The following LRSAM1 variants were observed in gnomAD, a reference collection of about 807,000 sequenced individuals.
LRSAM1 encodes the protein E3 ubiquitin-protein ligase LRSAM1.
LRSAM1 carries 96 observed loss-of-function variants against 118.1 expected under a neutral mutation model. The ratio of observed to expected loss-of-function variants is 0.81; its 90% CI spans 0.69 to 0.96. The LOEUF is 0.96. LRSAM1 is among the 40% of genes least tolerant of loss of function. LRSAM1 has a pLI of 0.00. For missense variants in LRSAM1, 804 were observed against 915.5 expected (o/e 0.88, Z 1.57); for synonymous variants, 322 against 364.2 (o/e 0.88, Z 1.32).
At chr9:127,500,555 G>C (rs1836347350) in intron 24 of LRSAM1, among the ~76,000 whole-genome samples, 1 of 152,094 alleles carries the variant, frequency 6.6e-6, no homozygotes, top group Non-Finnish European at 1.5e-5. Context: ...CCTGTCTCCT[G>C]GGCAACCAGG....
At chr9:127,478,657 G>T (rs1224750393) in intron 11 of LRSAM1, among the ~76,000 whole-genome samples, 1 of 152,148 alleles carries the variant, frequency 6.6e-6, no homozygotes, top group Admixed American at 6.5e-5. Context: ...CACCATCCCT[G>T]CTCAGGGCTG....
chr9:127,479,736 T>G, intron 13 of LRSAM1, 103 bp from the exon 14 acceptor site: 2 of 1,497,482 alleles, frequency 1.3e-6, no homozygotes, highest in Non-Finnish European at 1.8e-6. Flanking sequence ...ACAAAAAGGA[T>G]TGGCAAGGCA....
In LRSAM1 at chr9:127,488,145, A is replaced by T. The variant is rs1044897614; in HGVS notation, c.1347+382A>T. The stretch of plus-strand genomic sequence containing the variant: ...TCATGTCCAGACCTGCTGTGCTGCT[A>T]TCTGCTCTTCCATCTCTGCGGTGCT... On this transcript the variant is annotated intron_variant, in intron 18 of 25. Transcript: ENST00000300417. Among the ~76,000 whole-genome samples the T allele has an allele frequency of 3.9e-5, 6 of 152,232 alleles. No individual in the cohort carries two copies. In the South Asian group the frequency reaches 8.3e-4, roughly 21 times the overall value.
Position 127,489,233 on chromosome 9 carries a change from G to A in LRSAM1, c.1348-211G>A, listed in dbSNP as rs2245677. On this transcript the variant is annotated intron_variant, in intron 18 of 25. Transcript: ENST00000300417. The stretch of plus-strand genomic sequence containing the variant: ...CCACTGTGGTGGAAACTCAGGGTGC[G>A]ATGCCGGAAGTGCATCAGGTAGAGG... Among the ~76,000 whole-genome samples, 64,317 of 152,030 alleles carry A rather than the reference G, an allele frequency of 0.42. 14,303 individuals are homozygous for A. The highest frequency in any genetic ancestry group is 0.48 in the Non-Finnish European group (32,736 of 67,982).
intron 14 of LRSAM1, among the ~76,000 whole-genome samples, chr9:127,480,816 G>C (rs2132066801): frequency 6.6e-6 from 1 of 151,930 alleles, no homozygotes; most frequent in Middle Eastern, 3.4e-3. Flanking sequence ...GCCTCCCAAG[G>C]AGCTGGGACT....
At chr9:127,489,236 G>A (rs1187182333) in intron 18 of LRSAM1, among the ~76,000 whole-genome samples, 3 of 152,202 alleles carry the variant, frequency 2.0e-5, no homozygotes, top group Non-Finnish European at 4.4e-5. Context: ...AGGGTGCGAT[G>A]CCGGAAGTGC....
At position 127,465,297 on chromosome 9, in the gene LRSAM1, A is replaced by C. The variant is rs1834886788; in HGVS notation, c.529-2443A>C. Among the ~76,000 whole-genome samples the C allele has an allele frequency of 6.6e-6, 1 of 152,244 alleles. No individual in the cohort carries two copies. Among genetic ancestry groups the C allele is most frequent in the Non-Finnish European group, 1.5e-5 (1 of 68,040 alleles). ...GAATGCTCTATGATCTGTGCAGCCA[A>C]CATGGCCACCCCAGCCACTTGTAGC... On this transcript the variant is annotated intron_variant, in intron 9 of 25. Transcript: ENST00000300417. This position sits in a 1 kb window ranked among gnomAD's most constrained non-coding sequence, Gnocchi z 4.1.
Position 127,502,826 on chromosome 9 carries a change from G to A in LRSAM1, c.2099G>A (p.Cys700Tyr), listed in dbSNP as rs758352707. ...CACGTCTGCTGCTGCCAGCAGTGCT[G>A]CCAGCCACTGCGCACCTGCCCGCTG... ...CGHVCCCQQC[C>Y]QPLRTCPLCR... The change falls in exon 26 of 26, where the codon TGC becomes TAC. Residue 700 changes from cysteine (C) to tyrosine (Y), a missense_variant. Coordinates refer to ENST00000300417, the MANE Select transcript of LRSAM1 (RefSeq NM_001005373.4). 1 of 1,611,330 alleles carries A rather than the reference G, an allele frequency of 6.2e-7. No individual in the cohort carries two copies. The highest frequency in any genetic ancestry group is 1.1e-5 in the South Asian group (1 of 90,958).
At chr9:127,492,747 G>T in intron 20 of LRSAM1, 55 bp from the exon 21 acceptor site, 1 of 1,535,516 alleles carries the variant, frequency 6.5e-7, no homozygotes, top group Non-Finnish European at 8.9e-7. Context: ...TGCCACTGCG[G>T]GACTCCTGCG....
chr9:127,489,428 G>T lies in LRSAM1; in HGVS notation c.1348-16G>T. 2.5e-6 allele frequency: 4 copies of T among 1,601,956 alleles called. No homozygotes were observed. Among genetic ancestry groups the T allele is most frequent in the Non-Finnish European group, 3.4e-6 (4 of 1,175,460 alleles). ...TGGGCACGGCCCCTGCTGAGGGCTG[G>T]TGGTCTGTGTTGCAGAGCGCGATGC... On this transcript the variant is annotated splice_polypyrimidine_tract_variant and intron_variant, in intron 18 of 25. Coordinates refer to ENST00000300417, the MANE Select transcript of LRSAM1 (RefSeq NM_001005373.4).
chr9:127,459,917 A>G (rs2132006193), intron 7 of LRSAM1, among the ~76,000 whole-genome samples: 1 of 152,338 alleles, frequency 6.6e-6, no homozygotes, highest in East Asian at 1.9e-4. Context: ...TGGATACCTG[A>G]CAATAACTCA....
intron 19 of LRSAM1, among the ~76,000 whole-genome samples, chr9:127,490,777 T>G (rs748573602): frequency 9.2e-5 from 14 of 152,182 alleles, no homozygotes; most frequent in Non-Finnish European, 1.8e-4. Context: ...CTACCACTGT[T>G]ACTCAGTCAC....
chr9:127,458,428 A>AAC (rs1834610854), intron 6 of LRSAM1, among the ~76,000 whole-genome samples: 2 of 151,696 alleles, frequency 1.3e-5, no homozygotes, highest in Non-Finnish European at 1.5e-5. Flanking sequence ...ACAAAAAAAA[A>AAC]CACCAGCAGA....
chr9:127,483,160 G>A, intron 16 of LRSAM1, 140 bp downstream of exon 16: 1 of 781,344 alleles, frequency 1.3e-6, no homozygotes, highest in Admixed American at 2.1e-5. Context: ...CTGCCATGGA[G>A]CACAGGCTCT....
intron 19 of LRSAM1, among the ~76,000 whole-genome samples, chr9:127,489,836 T>C (rs1000620691): frequency 2.6e-5 from 4 of 152,254 alleles, no homozygotes; most frequent in Non-Finnish European, 5.9e-5. Context: ...CTGCTGTCCC[T>C]GCTCCAGGCA....
chr9:127,478,821 TG>T, intron 11 of LRSAM1, 112 bp from the exon 12 acceptor site: 1 of 994,920 alleles, frequency 1.0e-6, no homozygotes, highest in Non-Finnish European at 1.6e-6. Context: ...GGCAGTGGTC[TG>T]GGGTGGGCCA....
At chr9:127,487,610 G>A in intron 17 of LRSAM1, 66 bp from the exon 18 acceptor site, 2 of 1,448,528 alleles carry the variant, frequency 1.4e-6, no homozygotes, top group Non-Finnish European at 9.6e-7. Context: ...CCTCCAAGGG[G>A]CCTGGCACAT....
chr9:127,464,980 CT>C (rs1203638008), intron 9 of LRSAM1, among the ~76,000 whole-genome samples: 1 of 151,940 alleles, frequency 6.6e-6, no homozygotes, highest in Non-Finnish European at 1.5e-5. Flanking sequence ...TAAAAAAAAT[CT>C]TTTGGGTTTC....
At chr9:127,499,221 T>A (rs1836275353) in intron 24 of LRSAM1, among the ~76,000 whole-genome samples, 1 of 151,190 alleles carries the variant, frequency 6.6e-6, no homozygotes, top group African/African-American at 2.4e-5. Context: ...AAAAATAAAA[T>A]AAAATTAGCT....
Sources: allele counts gnomAD v4.1 joint callset (sites outside exome capture counted in the v4.1 genomes callset), GRCh38; gene constraint gnomAD v4.1.1; non-coding constraint Gnocchi (gnomAD v3.1); transcripts MANE v1.5; gene names NCBI Gene and HGNC (gene_info 2026-07-23, HGNC 2026-07-21).